EYA1: variants seen among roughly 807,000 people sequenced by gnomAD.
The protein encoded by EYA1 is protein phosphatase EYA1.
Under a neutral mutation model 82.0 loss-of-function variants are expected in EYA1, and 16 were observed. The observed-to-expected ratio is 0.20, with a 90% CI of 0.13 to 0.30. EYA1 has a LOEUF of 0.30. Among genes scored for constraint, EYA1 ranks in the 10% least tolerant of loss-of-function variants. The pLI is 1.00. For synonymous variants in EYA1, 261 were observed against 264.4 expected, an observed-to-expected ratio of 0.99 and a Z score of 0.12; for missense variants, 633 against 730.7, an observed-to-expected ratio of 0.87 and a Z score of 1.54.
chr8:71,463,885 T>C (rs930328110), intron 2 of EYA1, among the ~76,000 whole-genome samples: 1 of 152,074 alleles, frequency 6.6e-6, no homozygotes, highest in Non-Finnish European at 1.5e-5. Context: ...TTCCCTCTTT[T>C]TGGAGCTTTC....
At chr8:71,529,484 C>A (rs1432286865) in intron 2 of EYA1, 1 of 152,174 alleles carries the variant, frequency 6.6e-6, no homozygotes, top group Non-Finnish European at 1.5e-5. Flanking sequence ...ATCTCCCCAT[C>A]TGCAAAATGA....
chr8:71,363,206 A>G (rs1827540049), upstream of EYA1, among the ~76,000 whole-genome samples: 1 of 152,196 alleles, frequency 6.6e-6, no homozygotes, highest in Non-Finnish European at 1.5e-5. Context: ...TTTAAAAATC[A>G]CAATAACTTT....
intron 2 of EYA1, among the ~76,000 whole-genome samples, chr8:71,420,596 G>C (rs1396505648): frequency 6.6e-6 from 1 of 152,124 alleles, no homozygotes; most frequent in Non-Finnish European, 1.5e-5. Flanking sequence ...GGCGCTAAGT[G>C]AAAGTAATAA....
intron 2 of EYA1, among the ~76,000 whole-genome samples, chr8:71,377,060 T>A (rs909257447): frequency 1.3e-5 from 2 of 152,140 alleles, no homozygotes; most frequent in African/African-American, 4.8e-5. Flanking sequence ...CTTATTATGG[T>A]AGATTGTTAC....
At chr8:71,406,928 G>A (rs1238404206) in intron 2 of EYA1, among the ~76,000 whole-genome samples, 3 of 144,610 alleles carry the variant, frequency 2.1e-5, no homozygotes, top group African/African-American at 7.6e-5. Context: ...GCAGGGCACA[G>A]ACAAACAAAA....
intron 2 of EYA1, chr8:71,403,862 C>T (rs561967756): frequency 1.3e-5 from 2 of 152,258 alleles, no homozygotes; most frequent in East Asian, 3.9e-4. Context: ...GCTGATAGCA[C>T]TGGTTATTTC....
intron 2 of EYA1, among the ~76,000 whole-genome samples, chr8:71,495,749 G>A (rs551913314): frequency 6.6e-6 from 1 of 152,260 alleles, no homozygotes; most frequent in South Asian, 2.1e-4. Flanking sequence ...CTCCTAGGAA[G>A]TCCACCTCTC....
rs561928013 is a variant in EYA1, at chr8:71,310,034, G to A, written c.556+7518C>T. Among the ~76,000 whole-genome samples the A allele has an allele frequency of 3.3e-5, 5 of 152,256 alleles. No individual in the cohort carries two copies. The East Asian group carries it at 9.7e-4, about 29-fold the overall frequency. ...ACATGTACATCTGTGCAGCCCCTTC[G>A]ATCTATCATGGCAGATCCTGACACC... On this transcript the variant is annotated intron_variant, in intron 7 of 17. Transcript: ENST00000340726.
intron 3 of EYA1, among the ~76,000 whole-genome samples, chr8:71,350,139 TAA>T (rs1201346720): frequency 1.3e-5 from 2 of 152,262 alleles, no homozygotes; most frequent in Non-Finnish European, 1.5e-5. Context: ...TAAACAATAA[TAA>T]AGTTATATTA....
intron 2 of EYA1, among the ~76,000 whole-genome samples, chr8:71,385,352 A>G (rs993269959): frequency 2.6e-5 from 4 of 152,208 alleles, no homozygotes; most frequent in Non-Finnish European, 4.4e-5. Flanking sequence ...AACACCCTCT[A>G]ACCCTAAAAG....
intron 2 of EYA1, among the ~76,000 whole-genome samples, chr8:71,408,001 C>A (rs1242726662): frequency 6.6e-6 from 1 of 151,160 alleles, no homozygotes; most frequent in Non-Finnish European, 1.5e-5. Flanking sequence ...AAAGGGAAGC[C>A]CATCAGACTA....
At chr8:71,205,204 C>T (rs1348242557) in intron 17 of EYA1, among the ~76,000 whole-genome samples, 3 of 152,072 alleles carry the variant, frequency 2.0e-5, no homozygotes, top group African/African-American at 7.2e-5. Context: ...GGATGCTTGC[C>T]ATTTTTTCTC....
chr8:71,291,467 C>G (rs1586207620), intron 9 of EYA1, among the ~76,000 whole-genome samples: 1 of 152,140 alleles, frequency 6.6e-6, no homozygotes, highest in East Asian at 1.9e-4. Flanking sequence ...TGCATGTGAT[C>G]AGCACACGTG....
At chr8:71,248,040 A>T (rs1223288900) in intron 11 of EYA1, among the ~76,000 whole-genome samples, 2 of 152,244 alleles carry the variant, frequency 1.3e-5, no homozygotes, top group Non-Finnish European at 2.9e-5. Context: ...TCGTTAATAT[A>T]TAGCATACTT....
chr8:71,514,104 G>A (rs1349125504), intron 2 of EYA1, among the ~76,000 whole-genome samples: 1 of 152,266 alleles, frequency 6.6e-6, no homozygotes, highest in Middle Eastern at 3.4e-3. Context: ...TGAGAGTGCA[G>A]ATATCTCTTC....
At chr8:71,200,926 T>C (rs1806914380) in intron 17 of EYA1, among the ~76,000 whole-genome samples, 1 of 147,962 alleles carries the variant, frequency 6.8e-6, no homozygotes, top group Non-Finnish European at 1.5e-5. Flanking sequence ...GACAGAAAAC[T>C]AGTTATGAAA....
At chr8:71,330,061 T>C (rs1823643841) in intron 4 of EYA1, among the ~76,000 whole-genome samples, 1 of 152,030 alleles carries the variant, frequency 6.6e-6, no homozygotes, top group African/African-American at 2.4e-5. Context: ...GTCTACCACA[T>C]GGGAGGAAGA....
intron 17 of EYA1, among the ~76,000 whole-genome samples, chr8:71,210,557 G>GAATT (rs1808377277): frequency 6.6e-6 from 1 of 152,188 alleles, no homozygotes; most frequent in African/African-American, 2.4e-5. Context: ...AGAAATGATA[G>GAATT]AATTACACCT....
intron 2 of EYA1, among the ~76,000 whole-genome samples, chr8:71,510,081 A>G (rs1009931927): frequency 3.3e-5 from 5 of 151,658 alleles, no homozygotes; most frequent in African/African-American, 1.2e-4. Flanking sequence ...TATTTTATTA[A>G]AGTTGGGCTT....
Sources: gnomAD v4.1 joint callset for allele counts (sites outside exome capture counted in the v4.1 genomes callset) on GRCh38, gnomAD v4.1.1 for gene constraint, MANE v1.5 for transcripts, NCBI Gene and HGNC (gene_info 2026-07-23, HGNC 2026-07-21) for gene names.